PRKCB: variants seen among roughly 807,000 people sequenced by gnomAD.
The protein encoded by PRKCB is protein kinase C beta type.
Under a neutral mutation model 81.5 loss-of-function variants are expected in PRKCB, and 13 were observed. The observed-to-expected ratio is 0.16, with a 90% CI of 0.10 to 0.25. The LOEUF is 0.25. Among genes scored for constraint, PRKCB ranks in the 10% least tolerant of loss-of-function variants. The probability of loss-of-function intolerance (pLI) is 1.00; values close to 1 mark genes in which losing one functional copy is unlikely to be tolerated. For synonymous variants in PRKCB, 335 were observed against 321.4 expected, an observed-to-expected ratio of 1.04 and a Z score of -0.45; for missense variants, 509 against 875.7, an observed-to-expected ratio of 0.58 and a Z score of 5.29.
chr16:23,981,758 T>C (rs1180994092), intron 2 of PRKCB, among the ~76,000 whole-genome samples: 1 of 33,338 alleles, frequency 3.0e-5, no homozygotes, highest in African/African-American at 1.4e-4. Context: ...CCCTTCCCTT[T>C]CCCTTCCCCT....
chr16:23,984,957 G>A (rs570336175), intron 2 of PRKCB, among the ~76,000 whole-genome samples: 1 of 152,232 alleles, frequency 6.6e-6, no homozygotes, highest in Admixed American at 6.5e-5. Flanking sequence ...AATATTATTT[G>A]GGGTAATACG....
chr16:23,941,284 CA>C (rs1446077550), intron 2 of PRKCB, among the ~76,000 whole-genome samples: 1 of 152,108 alleles, frequency 6.6e-6, no homozygotes, highest in Non-Finnish European at 1.5e-5. Context: ...AAACCAATAA[CA>C]AGAAGGAAGT....
chr16:23,947,104 C>A (rs140409254), intron 2 of PRKCB, among the ~76,000 whole-genome samples: 1 of 152,200 alleles, frequency 6.6e-6, no homozygotes, highest in African/African-American at 2.4e-5. Flanking sequence ...GATCCACCTG[C>A]CTTGGCCTCC....
intron 2 of PRKCB, among the ~76,000 whole-genome samples, chr16:23,933,225 A>G (rs1964002767): frequency 1.3e-5 from 2 of 152,074 alleles, no homozygotes; most frequent in Non-Finnish European, 2.9e-5. Flanking sequence ...CCTGCTCTGG[A>G]GGCTGTTAGG....
intron 13 of PRKCB, among the ~76,000 whole-genome samples, chr16:24,183,204 T>G (rs956409145): frequency 6.6e-6 from 1 of 152,166 alleles, no homozygotes; most frequent in Admixed American, 6.5e-5. Flanking sequence ...AGAATGCATT[T>G]CATTCATTCA....
chr16:23,963,973 G>T (rs1057195668), intron 2 of PRKCB, among the ~76,000 whole-genome samples: 3 of 152,146 alleles, frequency 2.0e-5, no homozygotes, highest in Non-Finnish European at 4.4e-5. Flanking sequence ...TTTATTGGGT[G>T]TCTACCATGG....
intron 13 of PRKCB, among the ~76,000 whole-genome samples, chr16:24,183,121 A>G (rs1967653576): frequency 6.6e-6 from 1 of 152,012 alleles, no homozygotes; most frequent in Admixed American, 6.6e-5. Context: ...CGGCCTCCCA[A>G]AGTGGAAAAC....
intron 8 of PRKCB, among the ~76,000 whole-genome samples, chr16:24,122,288 A>G (rs544984285): frequency 1.2e-4 from 19 of 152,244 alleles, no homozygotes; most frequent in African/African-American, 4.6e-4. Flanking sequence ...GTGCGGAAGT[A>G]GAAAGGAGGC....
At chr16:23,988,620 T>C (rs745654273) in intron 3 of PRKCB, 30 bp downstream of exon 3, 9 of 1,585,236 alleles carry the variant, frequency 5.7e-6, no homozygotes, top group Non-Finnish European at 6.9e-6. Flanking sequence ...TGCTTTTCTC[T>C]GTCCACAGTC....
chr16:23,977,434 T>A (rs196013), intron 2 of PRKCB, among the ~76,000 whole-genome samples: 3 of 152,120 alleles, frequency 2.0e-5, no homozygotes, highest in African/African-American at 7.2e-5. Flanking sequence ...GGAGTGGGAC[T>A]TGAGCACTTT....
intron 9 of PRKCB, among the ~76,000 whole-genome samples, chr16:24,124,755 G>A (rs1049565883): frequency 6.6e-5 from 10 of 152,134 alleles, no homozygotes; most frequent in African/African-American, 2.4e-4. Context: ...GAACTCAGGT[G>A]TGCAAAAAAT....
At chr16:24,137,622 G>A (rs2141940748) in intron 9 of PRKCB, among the ~76,000 whole-genome samples, 1 of 152,256 alleles carries the variant, frequency 6.6e-6, no homozygotes, top group African/African-American at 2.4e-5. Flanking sequence ...CATGGCTACT[G>A]GTCCAATTAT....
At chr16:24,203,832 G>T (rs1053170278) in intron 16 of PRKCB, among the ~76,000 whole-genome samples, 1 of 152,142 alleles carries the variant, frequency 6.6e-6, no homozygotes, top group South Asian at 2.1e-4. Flanking sequence ...GGATGGGAAC[G>T]GAAATGCATC....
At chr16:23,946,832 G>A (rs921094101) in intron 2 of PRKCB, among the ~76,000 whole-genome samples, 11 of 149,208 alleles carry the variant, frequency 7.4e-5, no homozygotes, top group South Asian at 4.3e-4. Context: ...TAGATCACAC[G>A]TTTTCTTTCA....
intron 10 of PRKCB, among the ~76,000 whole-genome samples, chr16:24,170,552 A>T (rs1467528452): frequency 6.6e-6 from 1 of 152,076 alleles, no homozygotes; most frequent in Non-Finnish European, 1.5e-5. Flanking sequence ...CTAAGAAGAG[A>T]TAAAGTGATT....
At chr16:24,213,219 G>C (rs778135887) in intron 16 of PRKCB, among the ~76,000 whole-genome samples, 2 of 151,910 alleles carry the variant, frequency 1.3e-5, no homozygotes, top group Non-Finnish European at 2.9e-5. Context: ...ATTTTTAGTA[G>C]AGACGGGGTT....
chr16:24,119,274 T>C (rs1186716503), intron 8 of PRKCB, among the ~76,000 whole-genome samples: 2 of 148,936 alleles, frequency 1.3e-5, no homozygotes, highest in East Asian at 2.0e-4. Flanking sequence ...GAGAAGGGAG[T>C]TTCTAGTGCT....
chr16:24,021,768 A>G (rs1019015396), intron 3 of PRKCB, among the ~76,000 whole-genome samples: 1 of 152,108 alleles, frequency 6.6e-6, no homozygotes, highest in Non-Finnish European at 1.5e-5. Flanking sequence ...CAGTTTTCTC[A>G]TCTGGAATAC....
intron 3 of PRKCB, among the ~76,000 whole-genome samples, chr16:23,992,964 C>T (rs977257104): frequency 2.0e-5 from 3 of 152,084 alleles, no homozygotes; most frequent in African/African-American, 7.2e-5. Context: ...CTCAGGGTGG[C>T]ATTGGCCTTT....
Sources: allele counts gnomAD v4.1 joint callset (sites outside exome capture counted in the v4.1 genomes callset), GRCh38; gene constraint gnomAD v4.1.1; transcripts MANE v1.5; gene names NCBI Gene and HGNC (gene_info 2026-07-23, HGNC 2026-07-21).